Variants in PRKD1 observed in about 807,000 individuals in gnomAD.
PRKD1 encodes the protein serine/threonine-protein kinase D1.
A neutral mutation model predicts 95.9 loss-of-function variants in PRKD1; 63 were observed. That is an observed-to-expected ratio of 0.66 (90% CI 0.54 to 0.81). The LOEUF (loss-of-function observed/expected upper bound fraction) is 0.81. Among genes scored for constraint, PRKD1 ranks in the 30% least tolerant of loss-of-function variants. PRKD1 has a pLI of 0.00. For synonymous variants in PRKD1, 425 were observed against 423.1 expected (o/e 1.00, Z -0.05); for missense variants, 1,048 against 1,165.3 (o/e 0.90, Z 1.47).
At chr14:29,856,074 T>C (rs568422185) in intron 1 of PRKD1, among the ~76,000 whole-genome samples, 1 of 152,284 alleles carries the variant, frequency 6.6e-6, no homozygotes, top group Admixed American at 6.5e-5. Context: ...CTAGAACATA[T>C]GCATCTGGAT....
At chr14:29,854,501 G>A (rs1197663159) in intron 1 of PRKD1, among the ~76,000 whole-genome samples, 1 of 152,196 alleles carries the variant, frequency 6.6e-6, no homozygotes, top group Admixed American at 6.5e-5. Flanking sequence ...CATTCAAGAG[G>A]AGACTTGAGT....
intron 1 of PRKD1, among the ~76,000 whole-genome samples, chr14:29,909,921 T>C (rs1002190786): frequency 6.6e-6 from 1 of 152,150 alleles, no homozygotes; most frequent in Admixed American, 6.5e-5. Flanking sequence ...TCAGGGATTG[T>C]AAATGCACCA....
intron 1 of PRKD1, among the ~76,000 whole-genome samples, chr14:29,865,695 A>C (rs1347004290): frequency 6.6e-6 from 1 of 152,184 alleles, no homozygotes; most frequent in Non-Finnish European, 1.5e-5. Flanking sequence ...GTTCATTATA[A>C]ATTACTCAGT....
chr14:29,701,865 C>A (rs1336059482), intron 2 of PRKD1, among the ~76,000 whole-genome samples: 1 of 152,090 alleles, frequency 6.6e-6, no homozygotes, highest in Non-Finnish European at 1.5e-5. Flanking sequence ...GGCTGATATT[C>A]TATATTTCTG....
chr14:29,677,800 GGTGA>G (rs1288784096), intron 2 of PRKD1, among the ~76,000 whole-genome samples: 5 of 152,124 alleles, frequency 3.3e-5, no homozygotes, highest in Admixed American at 2.6e-4. Context: ...CCTGGCCTCA[GGTGA>G]TCCACCAGCC....
chr14:29,824,782 T>C (rs1031031714), intron 1 of PRKD1, among the ~76,000 whole-genome samples: 1 of 152,148 alleles, frequency 6.6e-6, no homozygotes, highest in Non-Finnish European at 1.5e-5. Flanking sequence ...AGTTATGAAA[T>C]CGGCCATATG....
Position 29,674,856 on chromosome 14 carries a change from A to C in PRKD1, c.404-8648T>G, listed in dbSNP as rs1289194097. ...GCATCACTGTTGTCAAATACAATAC[A>C]TTTGCAGCTAGAGACACAGGGACGA... On this transcript the variant is annotated intron_variant, in intron 2 of 17. Coordinates refer to ENST00000331968, the MANE Select transcript of PRKD1 (RefSeq NM_002742.3). Among the ~76,000 whole-genome samples the C allele has an allele frequency of 2.0e-5, 3 of 152,328 alleles. No individual in the cohort carries two copies. In the East Asian group the frequency reaches 5.8e-4, roughly 29 times the overall value.
At chr14:29,819,457 G>A (rs368794357) in intron 1 of PRKD1, among the ~76,000 whole-genome samples, 134 of 152,234 alleles carry the variant, frequency 8.8e-4, no homozygotes, top group African/African-American at 2.8e-3. Flanking sequence ...TTGGGAGGCC[G>A]AGGCAGGCGG....
intron 2 of PRKD1, among the ~76,000 whole-genome samples, chr14:29,695,067 T>C (rs1884435036): frequency 6.6e-6 from 1 of 151,942 alleles, no homozygotes; most frequent in Admixed American, 6.6e-5. Flanking sequence ...ACCCCGTCTC[T>C]ACTAAAAATA....
At chr14:29,670,487 C>G (rs554697423) in intron 2 of PRKD1, among the ~76,000 whole-genome samples, 1 of 152,262 alleles carries the variant, frequency 6.6e-6, no homozygotes, top group East Asian at 1.9e-4. Context: ...TTATATATAA[C>G]ATAGGATTGT....
chr14:29,715,798 A>G (rs1885577454), intron 2 of PRKD1, among the ~76,000 whole-genome samples: 1 of 152,172 alleles, frequency 6.6e-6, no homozygotes, highest in African/African-American at 2.4e-5. Context: ...ATTATATCCT[A>G]TGTGTCAAGC....
chr14:29,764,917 G>A lies in PRKD1; in HGVS notation c.265-39243C>T, dbSNP rs34438087. On this transcript the variant is annotated intron_variant, in intron 1 of 17. Coordinates refer to ENST00000331968, the MANE Select transcript of PRKD1 (RefSeq NM_002742.3). ...AGTCTCAGACTGACAAAGATTAGGG[G>A]ATCTAATAGGAGATCACCCTGGTAG... is the stretch of plus-strand genomic sequence containing the variant. 2.6e-3 allele frequency among the ~76,000 whole-genome samples: 398 copies of A among 152,278 alleles called. 2 individuals carry two copies. The highest frequency in any genetic ancestry group is 4.9e-3 in the Admixed American group (75 of 15,292).
In PRKD1 at chr14:29,897,563, T is replaced by G. The variant is rs923012660; in HGVS notation, c.264+29686A>C. ...GTTATGAAATTCTTTATGAAATTAT[T>G]TGTGTCACAGTTTCCTAATCTGTAG... On this transcript the variant is annotated intron_variant, in intron 1 of 17. Coordinates refer to ENST00000331968, the MANE Select transcript of PRKD1 (RefSeq NM_002742.3). 5.3e-5 allele frequency among the ~76,000 whole-genome samples: 8 copies of G among 152,282 alleles called. No homozygotes were observed. In the South Asian group the frequency reaches 1.0e-3, roughly 20 times the overall value.
At chr14:29,593,542 A>G (rs1044082510) in intron 16 of PRKD1, among the ~76,000 whole-genome samples, 6 of 152,196 alleles carry the variant, frequency 3.9e-5, no homozygotes, top group African/African-American at 1.4e-4. Context: ...CCTTCCAGAG[A>G]CCCTACAGCT....
chr14:29,906,463 A>G (rs2139437696), intron 1 of PRKD1, among the ~76,000 whole-genome samples: 1 of 152,232 alleles, frequency 6.6e-6, no homozygotes, highest in East Asian at 1.9e-4. Context: ...GCTTGAGCCC[A>G]GGAGGTCAAG....
chr14:29,646,377 G>A (rs1881121424), intron 4 of PRKD1, among the ~76,000 whole-genome samples: 1 of 152,086 alleles, frequency 6.6e-6, no homozygotes, highest in Non-Finnish European at 1.5e-5. Flanking sequence ...TAAATAACTA[G>A]AAGAGTATAA....
chr14:29,854,122 T>G (rs56035002), intron 1 of PRKD1, among the ~76,000 whole-genome samples: 5,698 of 152,036 alleles, frequency 0.037, 390 homozygotes, highest in African/African-American at 0.13. Flanking sequence ...ACTAATAAAG[T>G]AAATTGGAGT....
intron 1 of PRKD1, among the ~76,000 whole-genome samples, chr14:29,737,592 T>C (rs1886790938): frequency 6.6e-6 from 1 of 152,118 alleles, no homozygotes; most frequent in African/African-American, 2.4e-5. Flanking sequence ...CTTTCTAATA[T>C]AGCCAAAACA....
chr14:29,819,647 G>A (rs1453761173), intron 1 of PRKD1, among the ~76,000 whole-genome samples: 2 of 152,078 alleles, frequency 1.3e-5, no homozygotes, highest in South Asian at 2.1e-4. Context: ...CCGAGATTGC[G>A]CCACTGCACT....
Sources: gnomAD v4.1 joint callset for allele counts (sites outside exome capture counted in the v4.1 genomes callset) on GRCh38, gnomAD v4.1.1 for gene constraint, MANE v1.5 for transcripts, NCBI Gene and HGNC (gene_info 2026-07-23, HGNC 2026-07-21) for gene names.